Variants in NRXN3 observed in about 807,000 individuals in gnomAD.
NRXN3 encodes the protein neurexin 3, also known as neurexin III.
A neutral mutation model predicts 137.6 loss-of-function variants in NRXN3; 32 were observed. The observed-to-expected ratio is 0.23, with a 90% confidence interval of 0.18 to 0.31. The LOEUF is 0.31. Among genes scored for constraint, NRXN3 ranks in the 10% least tolerant of loss-of-function variants. The probability of loss-of-function intolerance (pLI) is 1.00; values close to 1 mark genes in which losing one functional copy is unlikely to be tolerated. For synonymous variants in NRXN3, 798 were observed against 784.5 expected (o/e 1.02, Z -0.29); for missense variants, 1,574 against 2,062.5 (o/e 0.76, Z 4.59).
chr14:78,242,173 T>C (rs998839741), intron 1 of NRXN3, among the ~76,000 whole-genome samples: 1 of 152,222 alleles, frequency 6.6e-6, no homozygotes, highest in Non-Finnish European at 1.5e-5. Flanking sequence ...TTTTTACATA[T>C]GGAAAACCTG....
At chr14:78,619,238 A>G (rs1206907957) in intron 4 of NRXN3, among the ~76,000 whole-genome samples, 2 of 152,156 alleles carry the variant, frequency 1.3e-5, no homozygotes, top group African/African-American at 4.8e-5. Flanking sequence ...TCACCTTTTC[A>G]TTTAGACGGC....
chr14:78,896,759 G>A (rs965800419), intron 10 of NRXN3, among the ~76,000 whole-genome samples: 2 of 151,956 alleles, frequency 1.3e-5, no homozygotes, highest in Non-Finnish European at 2.9e-5. Flanking sequence ...AAGTTGGAAA[G>A]AGGAGAGGAA....
At chr14:78,868,824 AAAAAT>A (rs377747187) in intron 10 of NRXN3, among the ~76,000 whole-genome samples, 1,690 of 152,054 alleles carry the variant, frequency 0.011, 28 homozygotes, top group African/African-American at 0.028. Context: ...TCCATCTCAA[AAAAAT>A]AAAATAAAAT....
chr14:79,536,049 G>T (rs2097208287), intron 16 of NRXN3, among the ~76,000 whole-genome samples: 1 of 152,212 alleles, frequency 6.6e-6, no homozygotes. Context: ...AACCAGCTTT[G>T]CTGAAATGTG....
chr14:79,282,216 G>T (rs1330099224), intron 15 of NRXN3, among the ~76,000 whole-genome samples: 2 of 152,042 alleles, frequency 1.3e-5, no homozygotes, highest in African/African-American at 4.8e-5. Flanking sequence ...GGGACTGGGG[G>T]GAGCGGGTAA....
chr14:79,454,242 C>G (rs753478244), intron 15 of NRXN3, among the ~76,000 whole-genome samples: 19 of 151,998 alleles, frequency 1.3e-4, no homozygotes, highest in Non-Finnish European at 2.8e-4. Flanking sequence ...TGCCACCAAG[C>G]CCAGTTAATT....
chr14:79,506,263 A>G (rs774774050), intron 16 of NRXN3, among the ~76,000 whole-genome samples: 5 of 152,210 alleles, frequency 3.3e-5, no homozygotes, highest in African/African-American at 4.8e-5. Flanking sequence ...CCTGTCCACC[A>G]CAGTAAATGA....
At chr14:79,596,078 C>G (rs958251651) in intron 16 of NRXN3, among the ~76,000 whole-genome samples, 1 of 148,286 alleles carries the variant, frequency 6.7e-6, no homozygotes, top group Non-Finnish European at 1.5e-5. Context: ...TTATGACATT[C>G]TTTAATGATT....
At chr14:78,618,384 G>A (rs1422385235) in intron 4 of NRXN3, among the ~76,000 whole-genome samples, 1 of 152,054 alleles carries the variant, frequency 6.6e-6, no homozygotes, top group Non-Finnish European at 1.5e-5. Context: ...AGTGGGAAGA[G>A]TTTTGCCACT....
chr14:79,515,285 CT>C (rs2096971903), intron 16 of NRXN3, among the ~76,000 whole-genome samples: 1 of 150,680 alleles, frequency 6.6e-6, no homozygotes, highest in South Asian at 2.1e-4. Flanking sequence ...ACCAGCAGCT[CT>C]GGAGCTAAAA....
At chr14:78,270,233 T>A (rs2153486319) in intron 2 of NRXN3, among the ~76,000 whole-genome samples, 1 of 152,274 alleles carries the variant, frequency 6.6e-6, no homozygotes, top group Non-Finnish European at 1.5e-5. Flanking sequence ...TCTAGAGTGT[T>A]TTCCAACATA....
intron 15 of NRXN3, among the ~76,000 whole-genome samples, chr14:79,069,257 T>G (rs2099684525): frequency 6.6e-6 from 1 of 152,150 alleles, no homozygotes; most frequent in Admixed American, 6.6e-5. Context: ...CTATCTCCTA[T>G]TCTTCTTCTT....
intron 15 of NRXN3, among the ~76,000 whole-genome samples, chr14:79,029,281 T>C (rs975395183): frequency 6.6e-6 from 1 of 152,150 alleles, no homozygotes; most frequent in African/African-American, 2.4e-5. Flanking sequence ...AGTGTAACCA[T>C]ATAGCATCTA....
intron 1 of NRXN3, among the ~76,000 whole-genome samples, chr14:78,202,084 C>A (rs528123642): frequency 6.6e-6 from 1 of 150,962 alleles, no homozygotes; most frequent in African/African-American, 2.5e-5. Context: ...ACTCCCATAG[C>A]TGCCATGGGT....
At chr14:78,559,415 A>T (rs1024920978) in intron 4 of NRXN3, among the ~76,000 whole-genome samples, 1 of 152,162 alleles carries the variant, frequency 6.6e-6, no homozygotes, top group African/African-American at 2.4e-5. Context: ...ACATCTTTGC[A>T]TCTGTTCCTC....
At chr14:79,782,914 C>G (rs1026422298) in intron 19 of NRXN3, among the ~76,000 whole-genome samples, 4 of 152,090 alleles carry the variant, frequency 2.6e-5, no homozygotes, top group African/African-American at 9.7e-5. Context: ...TGTAGAATAG[C>G]ACCTGGATTC....
intron 3 of NRXN3, chr14:78,283,181 T>G (rs1176736117): frequency 2.0e-5 from 3 of 152,236 alleles, no homozygotes; most frequent in African/African-American, 7.2e-5. Flanking sequence ...GAATGAACAC[T>G]TACTGACCAC....
chr14:79,709,882 TCCTTACTAC>T (rs2098796412), intron 19 of NRXN3, among the ~76,000 whole-genome samples: 1 of 152,046 alleles, frequency 6.6e-6, no homozygotes, highest in South Asian at 2.1e-4. Flanking sequence ...CATTATTAGT[TCCTTACTAC>T]CCTATCTATC....
At position 78,873,160 on chromosome 14, in the gene NRXN3, C is replaced by T. The variant is rs887381951; in HGVS notation, c.2275+62816C>T. On this transcript the variant is annotated intron_variant, in intron 10 of 20. Coordinates refer to ENST00000335750, the MANE Select transcript of NRXN3 (RefSeq NM_001330195.2). ...ATCCTTGTTTACTACTGGCTTCTTTCTCTGTAAAAACTTAGCTTTCCACTT... is the reference window on the plus strand; with the variant it reads ...ATCCTTGTTTACTACTGGCTTCTTTTTCTGTAAAAACTTAGCTTTCCACTT... 3.4e-4 allele frequency among the ~76,000 whole-genome samples: 52 copies of T among 152,170 alleles called. 1 individual carries two copies. The highest frequency in any genetic ancestry group is 3.9e-4 in the Admixed American group (6 of 15,264).
Sources: gnomAD v4.1 joint callset for allele counts (sites outside exome capture counted in the v4.1 genomes callset) on GRCh38, gnomAD v4.1.1 for gene constraint, MANE v1.5 for transcripts, NCBI Gene and HGNC (gene_info 2026-07-23, HGNC 2026-07-21) for gene names.